The following TMEM232 variants were observed in gnomAD, a reference collection of about 807,000 sequenced individuals.
The protein encoded by TMEM232 is transmembrane protein 232.
Under a neutral mutation model 78.8 loss-of-function variants are expected in TMEM232, and 80 were observed. The ratio of observed to expected loss-of-function variants is 1.01; its 90% confidence interval spans 0.85 to 1.22. TMEM232 has a LOEUF of 1.22. TMEM232 is among the 50% of genes most tolerant of loss of function. The pLI, the probability that TMEM232 is intolerant of heterozygous loss-of-function variation, is 0.00. For missense variants in TMEM232, 881 were observed against 742.2 expected (o/e 1.19, Z -2.17); for synonymous variants, 297 against 254.3 (o/e 1.17, Z -1.60).
chr5:110,481,692 C>T (rs935848571), intron 12 of TMEM232, among the ~76,000 whole-genome samples: 9 of 152,156 alleles, frequency 5.9e-5, no homozygotes, highest in African/African-American at 2.2e-4. Context: ...TACTTCAGAA[C>T]ATGGGAAAGC....
intron 12 of TMEM232, among the ~76,000 whole-genome samples, chr5:110,497,031 A>G (rs560868991): frequency 2.0e-5 from 3 of 152,144 alleles, no homozygotes; most frequent in African/African-American, 7.2e-5. Flanking sequence ...TAGTAAATCA[A>G]TTGACTTAGT....
At chr5:110,524,401 AAGAAAGAAAG>A (rs1343857359) in intron 12 of TMEM232, among the ~76,000 whole-genome samples, 9 of 66,116 alleles carry the variant, frequency 1.4e-4, no homozygotes, top group Admixed American at 8.5e-4. Flanking sequence ...GAAAGAAAGA[AAGAAAGAAAG>A]AAAGAAAAGA....
At chr5:110,622,992 T>TAATAAATAAATAAATAAATAAATA (rs146087253) in intron 7 of TMEM232, among the ~76,000 whole-genome samples, 25 of 149,012 alleles carry the variant, frequency 1.7e-4, no homozygotes, top group South Asian at 1.5e-3. Flanking sequence ...TAAAGTATAA[T>TAATAAATAAATAAATAAATAAATA]AATAAATAAA....
intron 1 of TMEM232, among the ~76,000 whole-genome samples, chr5:110,675,013 CTATTTATTTATTTATT>C (rs34606644): frequency 4.1e-4 from 61 of 149,800 alleles, no homozygotes; most frequent in African/African-American, 1.5e-3. Flanking sequence ...TGTTATTATT[CTATTTATTTATTTATT>C]TATTTATTTA....
At chr5:110,726,464 T>A (rs1364535104) in intron 1 of TMEM232, among the ~76,000 whole-genome samples, 163 bp downstream of exon 1, 1 of 152,102 alleles carries the variant, frequency 6.6e-6, no homozygotes, top group Non-Finnish European at 1.5e-5. Flanking sequence ...CAGCCTGGGG[T>A]TGCGAGTAGT....
intron 1 of TMEM232, among the ~76,000 whole-genome samples, chr5:110,704,478 G>A (rs1010524778): frequency 2.0e-5 from 3 of 152,060 alleles, no homozygotes; most frequent in African/African-American, 7.2e-5. Flanking sequence ...GACCAGGTCT[G>A]TACTCATGTC....
intron 11 of TMEM232, among the ~76,000 whole-genome samples, chr5:110,568,228 T>A (rs143975845): frequency 1.3e-5 from 2 of 152,078 alleles, no homozygotes; most frequent in Non-Finnish European, 2.9e-5. Context: ...TTAATTCTGT[T>A]TCTATTACAG....
intron 12 of TMEM232, among the ~76,000 whole-genome samples, chr5:110,502,594 C>T (rs1225942393): frequency 1.3e-5 from 2 of 152,152 alleles, no homozygotes; most frequent in Non-Finnish European, 2.9e-5. Flanking sequence ...CTTCCCTTTG[C>T]ACTTAGAATA....
chr5:110,627,905 C>A (rs748634027), intron 5 of TMEM232, 25 bp from the exon 6 acceptor site: 88 of 1,407,792 alleles, frequency 6.3e-5, no homozygotes, highest in Non-Finnish European at 3.9e-5. Flanking sequence ...AAGAAAAATA[C>A]ATTTTTGTGT....
At chr5:110,422,369 A>C (rs1416867902) in intron 13 of TMEM232, among the ~76,000 whole-genome samples, 1 of 151,570 alleles carries the variant, frequency 6.6e-6, no homozygotes, top group Non-Finnish European at 1.5e-5. Flanking sequence ...ATACAAAAAA[A>C]ATTAGCCGGG....
intron 1 of TMEM232, among the ~76,000 whole-genome samples, chr5:110,701,845 A>G (rs1795468336): frequency 6.6e-6 from 1 of 152,050 alleles, no homozygotes; most frequent in Non-Finnish European, 1.5e-5. Context: ...TGTAAAACCT[A>G]TTCCCTGTAC....
intron 2 of TMEM232, among the ~76,000 whole-genome samples, chr5:110,657,649 G>A (rs1002684073): frequency 2.0e-5 from 3 of 152,098 alleles, no homozygotes; most frequent in Non-Finnish European, 4.4e-5. Flanking sequence ...CAAAGTTACA[G>A]TTAAGAAGAA....
At chr5:110,534,271 A>C (rs577607398) in intron 11 of TMEM232, among the ~76,000 whole-genome samples, 5 of 152,218 alleles carry the variant, frequency 3.3e-5, no homozygotes, top group African/African-American at 9.6e-5. Context: ...TCAGCCAAGC[A>C]TTTTTTCAGG....
intron 12 of TMEM232, among the ~76,000 whole-genome samples, chr5:110,441,199 G>A (rs1041128275): frequency 6.6e-6 from 1 of 152,068 alleles, no homozygotes; most frequent in African/African-American, 2.4e-5. Flanking sequence ...TGTACCTTGT[G>A]AGACATTTAG....
At chr5:110,438,845 C>T (rs1366962545) in intron 12 of TMEM232, among the ~76,000 whole-genome samples, 1 of 152,122 alleles carries the variant, frequency 6.6e-6, no homozygotes, top group Non-Finnish European at 1.5e-5. Context: ...TTCTTAGAAA[C>T]CATGGATCAT....
At chr5:110,590,439 T>C (rs1779366758) in intron 10 of TMEM232, among the ~76,000 whole-genome samples, 1 of 152,132 alleles carries the variant, frequency 6.6e-6, no homozygotes, top group Non-Finnish European at 1.5e-5. Flanking sequence ...TACATTCTCA[T>C]AGGAACATGA....
chr5:110,660,340 T>G (rs761324105), intron 2 of TMEM232, among the ~76,000 whole-genome samples: 34 of 152,074 alleles, frequency 2.2e-4, no homozygotes, highest in South Asian at 4.1e-4. Context: ...ATGTTCAGTT[T>G]TAAACATTTT....
intron 5 of TMEM232, among the ~76,000 whole-genome samples, chr5:110,631,713 G>C (rs1294756524): frequency 6.6e-6 from 1 of 152,162 alleles, no homozygotes; most frequent in African/African-American, 2.4e-5. Flanking sequence ...TGCTACAACT[G>C]AGAACAGGCA....
intron 11 of TMEM232, among the ~76,000 whole-genome samples, chr5:110,563,356 A>C (rs1319426672): frequency 3.3e-5 from 5 of 151,938 alleles, no homozygotes; most frequent in Non-Finnish European, 7.4e-5. Context: ...ATCTTATATC[A>C]AATGATTGGC....
Sources: allele counts gnomAD v4.1 joint callset (sites outside exome capture counted in the v4.1 genomes callset), GRCh38; gene constraint gnomAD v4.1.1; transcripts MANE v1.5; gene names NCBI Gene and HGNC (gene_info 2026-07-23, HGNC 2026-07-21).